The following NOS1AP variants were observed in gnomAD, a reference collection of about 807,000 sequenced individuals.
The protein encoded by NOS1AP is carboxyl-terminal PDZ ligand of neuronal nitric oxide synthase protein.
In NOS1AP, 21 loss-of-function variants were observed where a neutral mutation model predicts 56.2. The ratio of observed to expected loss-of-function variants is 0.37; its 90% CI spans 0.26 to 0.54. The LOEUF is 0.54. NOS1AP is among the 20% of genes least tolerant of loss of function. The probability of loss-of-function intolerance (pLI) is 0.84; values close to 1 mark genes in which losing one functional copy is unlikely to be tolerated. For synonymous variants in NOS1AP, 270 were observed against 274.6 expected (o/e 0.98, Z 0.17); for missense variants, 522 against 657.8 (o/e 0.79, Z 2.26).
chr1:162,264,474 C>CCCTGT (rs1557855394), intron 2 of NOS1AP, among the ~76,000 whole-genome samples: 3 of 3,704 alleles, frequency 8.1e-4, no homozygotes, highest in Non-Finnish European at 1.3e-3. Context: ...TCCTCCCCTC[C>CCCTGT]CCTCCCCTCC....
At chr1:162,106,355 G>A (rs1349149218) in intron 1 of NOS1AP, among the ~76,000 whole-genome samples, 1 of 152,198 alleles carries the variant, frequency 6.6e-6, no homozygotes, top group Non-Finnish European at 1.5e-5. Context: ...AGTTGAAGTT[G>A]CTGAATTCAC....
intron 2 of NOS1AP, among the ~76,000 whole-genome samples, chr1:162,176,122 T>C (rs1295902722): frequency 6.6e-6 from 1 of 152,172 alleles, no homozygotes; most frequent in Non-Finnish European, 1.5e-5. Flanking sequence ...TTTTTGGGGG[T>C]CACATTTTAC....
chr1:162,240,825 G>A (rs1653467528), intron 2 of NOS1AP, among the ~76,000 whole-genome samples: 2 of 152,216 alleles, frequency 1.3e-5, no homozygotes, highest in South Asian at 4.1e-4. Flanking sequence ...TTCACCTGGA[G>A]CAATTATGGC....
chr1:162,227,597 G>A (rs1557840138), intron 2 of NOS1AP, among the ~76,000 whole-genome samples: 1 of 152,168 alleles, frequency 6.6e-6, no homozygotes, highest in Non-Finnish European at 1.5e-5. Flanking sequence ...GCCCAGGAAG[G>A]AAGCAGAGAT....
intron 1 of NOS1AP, among the ~76,000 whole-genome samples, chr1:162,140,362 A>C (rs1315708500): frequency 5.8e-5 from 1 of 17,108 alleles, no homozygotes; most frequent in Non-Finnish European, 1.9e-4. Context: ...GGTATACCCA[A>C]TGTTTAGCTC....
chr1:162,169,509 G>A (rs961285838), intron 2 of NOS1AP, among the ~76,000 whole-genome samples: 70 of 152,284 alleles, frequency 4.6e-4, no homozygotes, highest in African/African-American at 1.6e-3. Context: ...TGCTTAGCTG[G>A]GCACTCAGAC....
At chr1:162,178,680 C>G (rs940556705) in intron 2 of NOS1AP, among the ~76,000 whole-genome samples, 2 of 152,154 alleles carry the variant, frequency 1.3e-5, no homozygotes, top group African/African-American at 4.8e-5. Flanking sequence ...TGGCATCCAC[C>G]CAGCTAGAAA....
At chr1:162,346,398 G>T (rs576151705) in intron 6 of NOS1AP, among the ~76,000 whole-genome samples, 2 of 152,078 alleles carry the variant, frequency 1.3e-5, no homozygotes, top group Non-Finnish European at 2.9e-5. Flanking sequence ...CCATCTTCAA[G>T]ATATTTTGCT....
chr1:162,177,184 G>T (rs1651092582), intron 2 of NOS1AP, among the ~76,000 whole-genome samples: 2 of 152,200 alleles, frequency 1.3e-5, no homozygotes, highest in Non-Finnish European at 2.9e-5. Context: ...GGTGATATGG[G>T]GGAGGAGGGT....
chr1:162,364,149 T>G (rs1256356954), intron 8 of NOS1AP: 3 of 985,290 alleles, frequency 3.0e-6, no homozygotes, highest in Non-Finnish European at 3.6e-6. Flanking sequence ...CTTCAGAAAT[T>G]TGAGCACTTG....
chr1:162,282,329 T>C (rs1222513879), intron 2 of NOS1AP, among the ~76,000 whole-genome samples: 1 of 152,224 alleles, frequency 6.6e-6, no homozygotes, highest in African/African-American at 2.4e-5. Flanking sequence ...AGTGGAATCA[T>C]AGAATATTTT....
chr1:162,113,840 C>A (rs1408113982), intron 1 of NOS1AP, among the ~76,000 whole-genome samples: 1 of 152,110 alleles, frequency 6.6e-6, no homozygotes, highest in Non-Finnish European at 1.5e-5. Flanking sequence ...CCATCCTTCA[C>A]CTCTTAGGAA....
intron 2 of NOS1AP, among the ~76,000 whole-genome samples, chr1:162,277,762 G>C (rs1654788362): frequency 6.6e-6 from 1 of 152,170 alleles, no homozygotes; most frequent in Non-Finnish European, 1.5e-5. Flanking sequence ...CACCTGTGCT[G>C]GCATTGGTGA....
At chr1:162,342,254 T>A (rs1409620530) in intron 5 of NOS1AP, among the ~76,000 whole-genome samples, 1 of 152,222 alleles carries the variant, frequency 6.6e-6, no homozygotes, top group Non-Finnish European at 1.5e-5. Context: ...CTGGAGTTAG[T>A]CTAATGGCTA....
At chr1:162,345,263 A>G (rs887109004) in intron 6 of NOS1AP, among the ~76,000 whole-genome samples, 1 of 149,188 alleles carries the variant, frequency 6.7e-6, no homozygotes, top group Non-Finnish European at 1.5e-5. Flanking sequence ...CCACTAACTC[A>G]TCATCTAGCA....
chr1:162,119,983 T>C (rs897297757), intron 1 of NOS1AP, among the ~76,000 whole-genome samples: 1 of 152,158 alleles, frequency 6.6e-6, no homozygotes, highest in African/African-American at 2.4e-5. Flanking sequence ...CTGTGAATAA[T>C]AGGATGTCTT....
chr1:162,119,226 A>G (rs1648101379), intron 1 of NOS1AP, among the ~76,000 whole-genome samples: 1 of 152,190 alleles, frequency 6.6e-6, no homozygotes, highest in South Asian at 2.1e-4. Flanking sequence ...CCCATGAGGA[A>G]TAGCAGCAAG....
chr1:162,111,598 G>T (rs1647713200), intron 1 of NOS1AP, among the ~76,000 whole-genome samples: 1 of 152,178 alleles, frequency 6.6e-6, no homozygotes, highest in Non-Finnish European at 1.5e-5. Context: ...AAATGATTTT[G>T]GCGTCTTAAA....
In NOS1AP at chr1:162,333,056, C is replaced by T. The variant is rs41271969; in HGVS notation, c.384C>T (p.Ile128=). 5,796 of 1,613,890 alleles carry T rather than the reference C, an allele frequency of 3.6e-3. 15 individuals are homozygous for T. Among genetic ancestry groups the T allele is most frequent in the Non-Finnish European group, 3.7e-3 (4,351 of 1,179,798 alleles). The change falls in exon 5 of 10, where the codon ATC becomes ATT. Residue 128 remains isoleucine, a synonymous_variant. Coordinates refer to ENST00000361897, the MANE Select transcript of NOS1AP (RefSeq NM_014697.3). ...YVSHDSQDLK[I]FSYIARDGAS... is the part of the protein sequence containing the mutation. The stretch of plus-strand genomic sequence containing the variant: ...CTCATGATTCCCAAGACTTGAAGAT[C>T]TTCAGCTATATCGCTCGAGATGGTG...
Sources: allele counts gnomAD v4.1 joint callset (sites outside exome capture counted in the v4.1 genomes callset), GRCh38; gene constraint gnomAD v4.1.1; transcripts MANE v1.5; gene names NCBI Gene and HGNC (gene_info 2026-07-23, HGNC 2026-07-21).